FYB1: variants seen among roughly 807,000 people sequenced by gnomAD.
The protein encoded by FYB1 is FYN-binding protein 1.
In FYB1, 41 loss-of-function variants were observed where a neutral mutation model predicts 94.1. The observed-to-expected ratio is 0.44, with a 90% CI of 0.34 to 0.57. FYB1 has a LOEUF of 0.57. Ranked by LOEUF, FYB1 falls within the 20% of genes least tolerant of loss-of-function variation. The pLI is 0.02. For synonymous variants in FYB1, 367 were observed against 353.2 expected (o/e 1.04, Z -0.44); for missense variants, 1,050 against 976.8 (o/e 1.07, Z -1.00).
At chr5:39,247,131 G>C (rs1007159723) in intron 1 of FYB1, among the ~76,000 whole-genome samples, 1 of 122,236 alleles carries the variant, frequency 8.2e-6, no homozygotes, top group Admixed American at 9.1e-5. Context: ...TATACCATTT[G>C]TCAAATGAAT....
chr5:39,206,645 CTGT>C (rs1748882237), intron 1 of FYB1, among the ~76,000 whole-genome samples: 1 of 152,122 alleles, frequency 6.6e-6, no homozygotes, highest in Non-Finnish European at 1.5e-5. Context: ...GAGTTTATAC[CTGT>C]TGTTCTGGAA....
chr5:39,246,767 A>G (rs530907853), intron 1 of FYB1, among the ~76,000 whole-genome samples: 1 of 152,256 alleles, frequency 6.6e-6, no homozygotes, highest in African/African-American at 2.4e-5. Context: ...ATGTAAACTG[A>G]AAGGAAAAGA....
intron 2 of FYB1, among the ~76,000 whole-genome samples, chr5:39,163,518 C>T (rs965525405): frequency 1.3e-5 from 2 of 152,194 alleles, no homozygotes; most frequent in East Asian, 1.9e-4. Context: ...CTAACTTTAA[C>T]ATTCAATGTC....
At chr5:39,261,893 A>G (rs911749970) in intron 1 of FYB1, among the ~76,000 whole-genome samples, 21 of 152,204 alleles carry the variant, frequency 1.4e-4, no homozygotes, top group African/African-American at 4.6e-4. Flanking sequence ...TTAGAAAGTG[A>G]TGGGGGAAAA....
chr5:39,114,173 AG>A (rs1293006556), intron 16 of FYB1, among the ~76,000 whole-genome samples: 2 of 152,198 alleles, frequency 1.3e-5, no homozygotes, highest in Non-Finnish European at 2.9e-5. Context: ...TCAGACAAAA[AG>A]TATCTTATTC....
At chr5:39,183,355 G>A (rs1037637350) in intron 2 of FYB1, among the ~76,000 whole-genome samples, 4 of 152,158 alleles carry the variant, frequency 2.6e-5, no homozygotes, top group African/African-American at 9.6e-5. Flanking sequence ...ATCTTTAATT[G>A]CAACTAAAAC....
chr5:39,228,928 C>T (rs1344273475), intron 1 of FYB1, among the ~76,000 whole-genome samples: 4 of 152,068 alleles, frequency 2.6e-5, no homozygotes, highest in African/African-American at 9.7e-5. Context: ...TTTTCTCTCA[C>T]GATAAAATTA....
At chr5:39,159,942 C>CT (rs1403203258) in intron 2 of FYB1, among the ~76,000 whole-genome samples, 9 of 152,042 alleles carry the variant, frequency 5.9e-5, no homozygotes, top group Admixed American at 2.6e-4. Context: ...CAACAGTATC[C>CT]TTTTTTAACC....
At chr5:39,165,530 TA>T (rs1328226209) in intron 2 of FYB1, among the ~76,000 whole-genome samples, 14 of 152,182 alleles carry the variant, frequency 9.2e-5, no homozygotes, top group Non-Finnish European at 1.8e-4. Flanking sequence ...TCTGAAGCTA[TA>T]AAAATACTAA....
At chr5:39,194,550 GGAAGGAAGGAAGGAAA>G (rs1210018130) in intron 2 of FYB1, among the ~76,000 whole-genome samples, 1 of 151,440 alleles carries the variant, frequency 6.6e-6, no homozygotes, top group African/African-American at 2.4e-5. Flanking sequence ...GACAGAAAAA[GGAAGGAAGGAAGGAAA>G]GAAGGAAGGA....
chr5:39,158,811 G>A (rs550120595), intron 2 of FYB1, among the ~76,000 whole-genome samples: 5 of 152,182 alleles, frequency 3.3e-5, no homozygotes, highest in South Asian at 4.1e-4. Flanking sequence ...CACCAAAGAC[G>A]TTATACCATA....
At chr5:39,119,103 A>C (rs1739848423) in intron 15 of FYB1, 67 bp from the exon 16 acceptor site, 2 of 716,320 alleles carry the variant, frequency 2.8e-6, no homozygotes, top group Non-Finnish European at 4.1e-6. Flanking sequence ...TTATTTATGG[A>C]TGGATTTATT....
chr5:39,150,627 T>C (rs192887226), intron 3 of FYB1, among the ~76,000 whole-genome samples: 2 of 152,224 alleles, frequency 1.3e-5, no homozygotes, highest in African/African-American at 4.8e-5. Flanking sequence ...GATGGAAGCA[T>C]GATACTTACA....
Position 39,164,330 on chromosome 5 carries a change from C to T in FYB1, c.1136-10726G>A, listed in dbSNP as rs548451598. 7.2e-5 allele frequency among the ~76,000 whole-genome samples: 11 copies of T among 152,304 alleles called. No homozygotes were observed. In the South Asian group the frequency reaches 2.3e-3, roughly 32 times the overall value. On this transcript the variant is annotated intron_variant, in intron 2 of 18. Coordinates refer to ENST00000512982, the MANE Select transcript of FYB1 (RefSeq NM_001465.6). The stretch of plus-strand genomic sequence containing the variant: ...AGACTAGATTTTTCTATAAAATCCT[C>T]TACTTTTTGAATGTTGGCAACTATT...
chr5:39,258,575 G>C (rs1357680219), intron 1 of FYB1, among the ~76,000 whole-genome samples: 1 of 152,090 alleles, frequency 6.6e-6, no homozygotes, highest in Non-Finnish European at 1.5e-5. Flanking sequence ...ATTCCAGCCT[G>C]GGTGACAGAG....
At chr5:39,152,933 T>G (rs1743374226) in intron 3 of FYB1, among the ~76,000 whole-genome samples, 1 of 152,196 alleles carries the variant, frequency 6.6e-6, no homozygotes, top group Non-Finnish European at 1.5e-5. Flanking sequence ...TACACTATTT[T>G]GTGGTCTTGG....
At chr5:39,137,957 A>T in intron 6 of FYB1, 4 of 502,400 alleles carry the variant, frequency 8.0e-6, no homozygotes, top group Non-Finnish European at 1.4e-5. Context: ...TGTGCCAGCA[A>T]GTGGAAGCCA....
upstream of FYB1, among the ~76,000 whole-genome samples, chr5:39,219,981 T>G (rs73072535): frequency 0.013 from 1,971 of 152,244 alleles, 36 homozygotes; most frequent in African/African-American, 0.042. Context: ...GGTAAAGTGG[T>G]GTGCTTGACC....
At chr5:39,216,440 C>T (rs927130549) in intron 1 of FYB1, among the ~76,000 whole-genome samples, 3 of 151,950 alleles carry the variant, frequency 2.0e-5, no homozygotes, top group East Asian at 1.9e-4. Flanking sequence ...GATACATGTG[C>T]GGGATGTGCA....
Sources: gnomAD v4.1 joint callset for allele counts (sites outside exome capture counted in the v4.1 genomes callset) on GRCh38, gnomAD v4.1.1 for gene constraint, MANE v1.5 for transcripts, NCBI Gene and HGNC (gene_info 2026-07-23, HGNC 2026-07-21) for gene names.